AAMDC: variants seen among roughly 807,000 people sequenced by gnomAD.
The protein encoded by AAMDC is adipogenesis associated Mth938 domain containing.
AAMDC carries 16 observed loss-of-function variants against 15.5 expected under a neutral mutation model. The observed-to-expected ratio is 1.03, with a 90% CI of 0.70 to 1.57. The LOEUF (loss-of-function observed/expected upper bound fraction) is 1.57, where lower values mean the gene tolerates loss of function less well. Among genes scored for constraint, AAMDC ranks in the 40% most tolerant of loss-of-function variants. The pLI is 0.00. For missense variants in AAMDC, 141 were observed against 144.9 expected, an observed-to-expected ratio of 0.97 and a Z score of 0.14; for synonymous variants, 51 against 51.6, an observed-to-expected ratio of 0.99 and a Z score of 0.05.
intron 1 of AAMDC, among the ~76,000 whole-genome samples, chr11:77,825,203 C>T (rs942579161): frequency 2.6e-5 from 4 of 151,772 alleles, no homozygotes; most frequent in African/African-American, 4.8e-5. Flanking sequence ...AGGATGGTCT[C>T]GATCTCCTGA....
chr11:77,860,032 C>A (rs564346933), intron 2 of AAMDC, among the ~76,000 whole-genome samples: 9 of 152,280 alleles, frequency 5.9e-5, no homozygotes, highest in African/African-American at 1.9e-4. Context: ...TGAGGCCAAC[C>A]CTTTGCCACT....
At chr11:77,885,115 T>A (rs1289866187) in intron 5 of AAMDC, among the ~76,000 whole-genome samples, 1 of 151,876 alleles carries the variant, frequency 6.6e-6, no homozygotes, top group Non-Finnish European at 1.5e-5. Context: ...TCTCACTCTG[T>A]CACACAAGCT....
At chr11:77,841,077 T>C (rs1363257659) in intron 1 of AAMDC, 8 of 639,316 alleles carry the variant, frequency 1.3e-5, no homozygotes, top group Non-Finnish European at 2.3e-5. Context: ...GCCTTCTTGC[T>C]GCATCATCCT....
At chr11:77,885,458 G>A in intron 5 of AAMDC, among the ~76,000 whole-genome samples, 1 of 152,110 alleles carries the variant, frequency 6.6e-6, no homozygotes, top group East Asian at 1.9e-4. Context: ...AAAAAATGCA[G>A]GTGTCTCAGT....
chr11:77,827,458 C>T (rs1240828858), intron 1 of AAMDC, among the ~76,000 whole-genome samples: 2 of 152,116 alleles, frequency 1.3e-5, no homozygotes, highest in African/African-American at 4.8e-5. Flanking sequence ...TGGGATTCAT[C>T]CCAACTATGC....
At chr11:77,858,611 G>C (rs1370500822) in intron 2 of AAMDC, among the ~76,000 whole-genome samples, 2 of 152,136 alleles carry the variant, frequency 1.3e-5, no homozygotes, top group African/African-American at 2.4e-5. Context: ...AATCCAGCTA[G>C]TCCTGTCTCT....
intron 2 of AAMDC, among the ~76,000 whole-genome samples, chr11:77,858,886 A>G (rs1372737949): frequency 6.6e-6 from 1 of 152,192 alleles, no homozygotes; most frequent in Non-Finnish European, 1.5e-5. Context: ...TGGAAGAGAT[A>G]AACTTAACAA....
chr11:77,893,713 T>C (rs1446039577), intron 5 of AAMDC, among the ~76,000 whole-genome samples: 1 of 151,960 alleles, frequency 6.6e-6, no homozygotes, highest in Non-Finnish European at 1.5e-5. Context: ...GCCAACATGA[T>C]GAAACCCCGT....
At chr11:77,901,398 T>G, downstream of AAMDC, 2 of 1,613,300 alleles carry the variant, frequency 1.2e-6, no homozygotes, top group Non-Finnish European at 1.7e-6. Flanking sequence ...ATGCCACATA[T>G]TTTGGCCAAC....
intron 1 of AAMDC, among the ~76,000 whole-genome samples, chr11:77,831,534 A>T (rs955901392): frequency 6.6e-6 from 1 of 152,100 alleles, no homozygotes; most frequent in African/African-American, 2.4e-5. Flanking sequence ...CTGCAAGCAC[A>T]TGATGTGATT....
intron 5 of AAMDC, among the ~76,000 whole-genome samples, chr11:77,886,183 AACAG>A (rs368239905): frequency 9.9e-5 from 15 of 152,238 alleles, no homozygotes; most frequent in African/African-American, 3.4e-4. Flanking sequence ...CAGCCCAGGC[AACAG>A]ACAGAGACCT....
intron 2 of AAMDC, among the ~76,000 whole-genome samples, chr11:77,849,633 G>GT (rs780109588): frequency 2.0e-5 from 3 of 151,966 alleles, no homozygotes; most frequent in Admixed American, 6.5e-5. Context: ...TGCTGGATCT[G>GT]TTTTTTTGTG....
chr11:77,865,653 C>T lies in AAMDC; in HGVS notation c.133-4069C>T, dbSNP rs939430171. On this transcript the variant is annotated intron_variant, in intron 2 of 3. Transcript: ENST00000393427. ...GGCAGAATGGATTTTGAAAGAACAA[C>T]TAGTCATCTGCCATTATGAGATGGG... Among the ~76,000 whole-genome samples, 5 of 152,312 alleles carry T rather than the reference C, an allele frequency of 3.3e-5. No homozygotes were observed. In the South Asian group the frequency reaches 1.0e-3, roughly 32 times the overall value.
At chr11:77,871,892 A>G (rs1951447482) in intron 3 of AAMDC, among the ~76,000 whole-genome samples, 2 of 152,222 alleles carry the variant, frequency 1.3e-5, no homozygotes, top group South Asian at 4.1e-4. Context: ...ACCCAAGGTT[A>G]CAGTGCTAGT....
chr11:77,856,538 G>C (rs3886195), intron 2 of AAMDC, among the ~76,000 whole-genome samples: 1 of 152,026 alleles, frequency 6.6e-6, no homozygotes, highest in Non-Finnish European at 1.5e-5. Flanking sequence ...AGCTACCTGA[G>C]ACTGGATAGT....
chr11:77,899,862 T>C (rs1160844319), intron 5 of AAMDC, among the ~76,000 whole-genome samples: 1 of 152,074 alleles, frequency 6.6e-6, no homozygotes, highest in Non-Finnish European at 1.5e-5. Context: ...TATGTTTATA[T>C]GGTTTGGGAA....
At chr11:77,879,643 G>A (rs889901520) in intron 5 of AAMDC, among the ~76,000 whole-genome samples, 1 of 152,150 alleles carries the variant, frequency 6.6e-6, no homozygotes, top group Non-Finnish European at 1.5e-5. Context: ...GACCTAAAAT[G>A]TCTGAAAACA....
At chr11:77,865,022 ACT>A (rs950208337) in intron 2 of AAMDC, among the ~76,000 whole-genome samples, 1 of 151,798 alleles carries the variant, frequency 6.6e-6, no homozygotes, top group Non-Finnish European at 1.5e-5. Flanking sequence ...CATAGTTCTT[ACT>A]CTCTCCTTCT....
intron 2 of AAMDC, chr11:77,866,753 T>A (rs923186628): frequency 6.6e-6 from 1 of 152,048 alleles, no homozygotes; most frequent in African/African-American, 2.4e-5. Context: ...TTAAAAAAAA[T>A]AAAACTGCAC....
Sources: gnomAD v4.1 joint callset for allele counts (sites outside exome capture counted in the v4.1 genomes callset) on GRCh38, gnomAD v4.1.1 for gene constraint, MANE v1.5 for transcripts, NCBI Gene and HGNC (gene_info 2026-07-23, HGNC 2026-07-21) for gene names.